Variants in NDUFAF2 observed in about 807,000 individuals in gnomAD.
NDUFAF2 encodes NADH dehydrogenase [ubiquinone] 1 alpha subcomplex assembly factor 2.
Under a neutral mutation model 22.8 loss-of-function variants are expected in NDUFAF2, and 13 were observed. The ratio of observed to expected loss-of-function variants is 0.57; its 90% CI spans 0.37 to 0.91. NDUFAF2 has a LOEUF of 0.91. NDUFAF2 is among the 40% of genes least tolerant of loss of function. NDUFAF2 has a pLI of 0.01. For missense variants in NDUFAF2, 162 were observed against 195.2 expected, an observed-to-expected ratio of 0.83 and a Z score of 1.01; for synonymous variants, 53 against 64.2, an observed-to-expected ratio of 0.83 and a Z score of 0.84.
chr5:60,960,489 C>A (rs1750669702), intron 1 of NDUFAF2, among the ~76,000 whole-genome samples: 1 of 152,192 alleles, frequency 6.6e-6, no homozygotes, highest in Admixed American at 6.5e-5. Flanking sequence ...TTTTCATACT[C>A]CCTCACTTTT....
At chr5:61,134,337 A>G (rs1457849498) in intron 3 of NDUFAF2, among the ~76,000 whole-genome samples, 1 of 152,192 alleles carries the variant, frequency 6.6e-6, no homozygotes, top group Non-Finnish European at 1.5e-5. Context: ...TTCTTTTATT[A>G]TATCTGGTAT....
intron 1 of NDUFAF2, among the ~76,000 whole-genome samples, chr5:60,954,446 A>G (rs1046196286): frequency 7.2e-5 from 11 of 152,138 alleles, no homozygotes; most frequent in Admixed American, 2.6e-4. Flanking sequence ...AGTTGTCTCT[A>G]TTTTGCAAAT....
At chr5:61,049,811 T>TATTTATATACATATATATAA (rs1248664543) in intron 1 of NDUFAF2, among the ~76,000 whole-genome samples, 1 of 151,888 alleles carries the variant, frequency 6.6e-6, no homozygotes, top group Non-Finnish European at 1.5e-5. Flanking sequence ...TGTATGTGTG[T>TATTTATATACATATATATAA]ATTTATATAC....
chr5:61,118,072 A>C (rs143872074), intron 3 of NDUFAF2, among the ~76,000 whole-genome samples: 1 of 152,154 alleles, frequency 6.6e-6, no homozygotes, highest in African/African-American at 2.4e-5. Flanking sequence ...CCTAAAAACT[A>C]TCTACCTGAG....
intron 1 of NDUFAF2, among the ~76,000 whole-genome samples, chr5:60,984,742 G>A (rs1052853561): frequency 5.3e-5 from 8 of 152,180 alleles, no homozygotes; most frequent in Non-Finnish European, 1.0e-4. Flanking sequence ...CAGGGATGAA[G>A]CCCACTTGAT....
chr5:61,107,044 TATACACACACACACACACAC>T lies in NDUFAF2; in HGVS notation c.258+8014_258+8033del, dbSNP rs1231169724. On this transcript the variant is annotated intron_variant, in intron 3 of 3. Coordinates refer to ENST00000296597, the MANE Select transcript of NDUFAF2 (RefSeq NM_174889.5). ...TCTGATTTCCTTTCCTTTGGATAAA[TATACACACACACACACACAC>T]ACACACACACACACACACACACACA... is the stretch of plus-strand genomic sequence containing the variant. 2.3e-3 allele frequency among the ~76,000 whole-genome samples: 150 copies of T among 64,802 alleles called. 6 individuals are homozygous for T. The highest frequency in any genetic ancestry group is 9.3e-3 in the African/African-American group (132 of 14,270). 42.5% of individuals were successfully genotyped at this position (64,802 alleles called of 152,430 possible). A position where few individuals can be genotyped will look rare whatever the true frequency, so the allele number is the denominator to read the frequency against.
intron 1 of NDUFAF2, among the ~76,000 whole-genome samples, chr5:61,066,505 C>A (rs948445874): frequency 2.0e-5 from 3 of 152,002 alleles, no homozygotes; most frequent in African/African-American, 4.8e-5. Flanking sequence ...GTAATCAAAA[C>A]AGTACGGTAC....
chr5:60,948,049 A>G (rs1253909607), intron 1 of NDUFAF2, among the ~76,000 whole-genome samples: 3 of 152,158 alleles, frequency 2.0e-5, no homozygotes, highest in South Asian at 2.1e-4. Context: ...ACATATGTAT[A>G]TATCTGTGAA....
intron 1 of NDUFAF2, among the ~76,000 whole-genome samples, chr5:60,997,069 C>T (rs1751237407): frequency 6.6e-6 from 1 of 152,154 alleles, no homozygotes; most frequent in African/African-American, 2.4e-5. Context: ...TCTGTCTCAC[C>T]TGTTTTTCTT....
At chr5:61,007,150 G>T (rs1324279820) in intron 1 of NDUFAF2, among the ~76,000 whole-genome samples, 2 of 151,874 alleles carry the variant, frequency 1.3e-5, no homozygotes, top group African/African-American at 2.4e-5. Flanking sequence ...TTTGGCTTTT[G>T]TTGCCATTGC....
intron 3 of NDUFAF2, among the ~76,000 whole-genome samples, chr5:61,141,235 A>C (rs1382648549): frequency 6.6e-6 from 1 of 152,010 alleles, no homozygotes; most frequent in Admixed American, 6.6e-5. Context: ...CTCAAAAAAA[A>C]AAAAATTAAT....
chr5:61,117,903 G>T (rs1415361203), intron 3 of NDUFAF2, among the ~76,000 whole-genome samples: 1 of 152,118 alleles, frequency 6.6e-6, no homozygotes, highest in African/African-American at 2.4e-5. Context: ...AGAAACAGTT[G>T]GCAGGTGGAT....
intron 1 of NDUFAF2, among the ~76,000 whole-genome samples, chr5:60,988,477 C>T (rs1000584776): frequency 6.6e-6 from 1 of 152,158 alleles, no homozygotes; most frequent in Non-Finnish European, 1.5e-5. Context: ...CCAAAGCAAT[C>T]CTAAGCTTAA....
At chr5:61,091,654 G>A (rs1295303551) in intron 2 of NDUFAF2, among the ~76,000 whole-genome samples, 1 of 152,034 alleles carries the variant, frequency 6.6e-6, no homozygotes, top group Non-Finnish European at 1.5e-5. Context: ...TTCTTTTGCT[G>A]TGCAAAAGTT....
intron 1 of NDUFAF2, among the ~76,000 whole-genome samples, chr5:61,070,226 G>A (rs556035335): frequency 1.3e-5 from 2 of 152,110 alleles, no homozygotes; most frequent in Admixed American, 1.3e-4. Context: ...CACTACGATG[G>A]AAATTTTTTT....
intron 3 of NDUFAF2, among the ~76,000 whole-genome samples, chr5:61,099,253 A>G (rs1246366982): frequency 6.6e-6 from 1 of 151,164 alleles, no homozygotes; most frequent in Non-Finnish European, 1.5e-5. Flanking sequence ...CAAAATTTGT[A>G]TAAATTTTAA....
chr5:60,969,495 G>T (rs1162579124), intron 1 of NDUFAF2, among the ~76,000 whole-genome samples: 1 of 151,994 alleles, frequency 6.6e-6, no homozygotes. Context: ...ATACCTGTTT[G>T]CAATTTGTAT....
chr5:61,146,352 A>C (rs1173853235), intron 3 of NDUFAF2: 1 of 152,178 alleles, frequency 6.6e-6, no homozygotes, highest in East Asian at 1.9e-4. Context: ...TTTCCTCTGC[A>C]ATGAAGTCCT....
chr5:61,030,279 C>T (rs572919555), intron 1 of NDUFAF2, among the ~76,000 whole-genome samples: 203 of 152,254 alleles, frequency 1.3e-3, no homozygotes, highest in African/African-American at 4.7e-3. Flanking sequence ...ACTTCTGACA[C>T]ATATGGTTCT....
Sources: gnomAD v4.1 joint callset for allele counts (sites outside exome capture counted in the v4.1 genomes callset) on GRCh38, gnomAD v4.1.1 for gene constraint, MANE v1.5 for transcripts, NCBI Gene and HGNC (gene_info 2026-07-23, HGNC 2026-07-21) for gene names.